Variants in IDUA observed in about 807,000 individuals in gnomAD.
IDUA encodes alpha-L-iduronidase.
In IDUA, 65 loss-of-function variants were observed where a neutral mutation model predicts 68.9. That is an observed-to-expected ratio of 0.94 (90% CI 0.77 to 1.16). IDUA has a LOEUF of 1.16. IDUA is among the 50% of genes most tolerant of loss of function. The pLI is 0.00. For synonymous variants in IDUA, 529 were observed against 433.6 expected (o/e 1.22, Z -2.73); for missense variants, 1,046 against 938.0 (o/e 1.12, Z -1.50).
intron 8 of IDUA, 68 bp from the exon 9 acceptor site, chr4:1,002,663 GC>G: frequency 8.0e-7 from 1 of 1,245,446 alleles, no homozygotes; most frequent in Non-Finnish European, 1.1e-6. Flanking sequence ...GTGGTGGGAG[GC>G]CCGGCCCTGG....
chr4:999,224 A>G (rs1714936778), intron 2 of IDUA, among the ~76,000 whole-genome samples: 1 of 151,804 alleles, frequency 6.6e-6, no homozygotes, highest in African/African-American at 2.4e-5. Flanking sequence ...AAAAAGAAAA[A>G]AGAAAAATGC....
rs150523349 is a variant in IDUA at position 1,002,713 on chromosome 4, G to GCC, written c.1190-11_1190-10dup. The GCC allele has an allele frequency of 4.1e-4, 558 of 1,363,574 alleles. 2 individuals carry two copies. The highest frequency in any genetic ancestry group is 2.8e-3 in the African/African-American group (179 of 64,788). The allele number at this position is 1,363,574 out of a possible 1,614,324, so 84.5% of individuals were successfully genotyped here. ...TGGGCAACGACCCCACGCGGCGACG[G>GCC]CCCCCCCCCGCCCCGCAGATGAGGA... On this transcript the variant is annotated intron_variant, in intron 8 of 13. Coordinates refer to ENST00000514224, the MANE Select transcript of IDUA (RefSeq NM_000203.5).
chr4:1,002,735 A>C lies in IDUA; in HGVS notation c.1193A>C (p.Glu398Ala). 1 of 1,392,392 alleles carries C rather than the reference A, an allele frequency of 7.2e-7. No homozygotes were observed. The highest frequency in any genetic ancestry group is 9.6e-7 in the Non-Finnish European group (1 of 1,043,566). The allele number at this position is 1,392,392 out of a possible 1,614,324, so 86.3% of individuals were successfully genotyped here. ...TAMGLLALLDEEQLWAEVSQA... is the reference protein window; with the variant it reads ...TAMGLLALLDAEQLWAEVSQA... ...ACGGCCCCCCCCCGCCCCGCAGATG[A>C]GGAGCAGCTCTGGGCCGAAGTGTCG... is the stretch of plus-strand genomic sequence containing the variant. Residue 398 changes from glutamate to alanine, a missense_variant, in exon 9 of 14, where the codon GAG (glutamate) becomes GCG (alanine). Coordinates refer to ENST00000514224, the MANE Select transcript of IDUA (RefSeq NM_000203.5).
Position 1,003,386 on chromosome 4 carries a change from C to G in IDUA, c.1566C>G (p.Gly522=). 6.7e-7 allele frequency: 1 copy of G among 1,495,398 alleles called. No individual in the cohort carries two copies. The highest frequency in any genetic ancestry group is 8.8e-7 in the Non-Finnish European group (1 of 1,132,130). The allele number at this position is 1,495,398 out of a possible 1,614,324, so 92.6% of individuals were successfully genotyped here. ...CGCCCCGCCCCTTACCCGCCGGCGG[C>G]CGCCTGACCCTGCGCCCCGCGCTGC... ...AAAPRPLPAG[G]RLTLRPALRL... is the part of the protein sequence containing the mutation. The change falls in exon 11 of 14, where the codon GGC becomes GGG. Residue 522 remains glycine (G), a synonymous_variant. Coordinates refer to ENST00000514224, the MANE Select transcript of IDUA (RefSeq NM_000203.5).
Position 1,003,552 on chromosome 4 carries a change from A to T in IDUA, c.1654A>T (p.Thr552Ser), listed in dbSNP as rs745630845. The change falls in exon 12 of 14, where the codon ACG becomes TCG. Residue 552 changes from threonine (T) to serine (S), a missense_variant. Transcript: ENST00000514224. ...TCACAGCCCTTCCCTCCCCCAGGTCACGCGGCTCCGCGCCCTGCCCCTGAC... is the reference window on the plus strand; with the variant it reads ...TCACAGCCCTTCCCTCCCCCAGGTCTCGCGGCTCCGCGCCCTGCCCCTGAC... ...ARPEKPPGQV[T>S]RLRALPLTQG... 2.5e-6 allele frequency: 4 copies of T among 1,611,592 alleles called. No homozygotes were observed. Among genetic ancestry groups the T allele is most frequent in the Non-Finnish European group, 3.4e-6 (4 of 1,179,694 alleles).
At position 1,002,358 on chromosome 4, in the gene IDUA, C is replaced by T. The variant is rs1715142811; in HGVS notation, c.1062C>T (p.Ser354=). ...TGAGCAACGACAATGCCTTCCTGAG[C>T]TACCACCCGCACCCCTTCGCGCAGC... ...ALLSNDNAFL[S]YHPHPFAQRT... is the part of the protein sequence containing the mutation. Residue 354 remains serine, a synonymous_variant, in exon 8 of 14, where the codon AGC becomes AGT. Transcript: ENST00000514224. 3 of 1,612,866 alleles carry T rather than the reference C, an allele frequency of 1.9e-6. No individual in the cohort carries two copies. Among genetic ancestry groups the T allele is most frequent in the African/African-American group, 1.3e-5 (1 of 74,932 alleles).
intron 2 of IDUA, among the ~76,000 whole-genome samples, chr4:996,620 G>A (rs1714757050): frequency 6.6e-6 from 1 of 152,238 alleles, no homozygotes; most frequent in Admixed American, 6.5e-5. Flanking sequence ...GTCTTCTGCA[G>A]GCATTGGGCC....
chr4:987,005 G>C, upstream of IDUA: 1 of 1,389,024 alleles, frequency 7.2e-7, no homozygotes. Flanking sequence ...CGGTCACATG[G>C]GGTGCGCGCC....
chr4:1,001,475 C>G lies in IDUA; in HGVS notation c.501C>G (p.Tyr167Ter), dbSNP rs200726100. The change falls in exon 5 of 14, where the codon TAC becomes TAG. Residue 167 changes from tyrosine to a stop codon, truncating the protein, a stop_gained. Coordinates refer to ENST00000514224, the MANE Select transcript of IDUA (RefSeq NM_000203.5). LOFTEE classifies it high-confidence loss of function. ...AGCAAGGCTCCTCTGCAGGTAGGTA[C>G]GGACTGGCGCATGTTTCCAAGTGGA... ...SSLARRYIGRYGLAHVSKWNF... is the reference protein window; with the variant it reads ...SSLARRYIGR 1 of 1,612,822 alleles carries G rather than the reference C, an allele frequency of 6.2e-7. No individual in the cohort carries two copies. The highest frequency in any genetic ancestry group is 8.5e-7 in the Non-Finnish European group (1 of 1,179,740).
At position 987,229 on chromosome 4, in the gene IDUA, A is replaced by G; in HGVS notation, c.145A>G (p.Ser49Gly). 6.7e-7 allele frequency: 1 copy of G among 1,503,664 alleles called. No homozygotes were observed. The highest frequency in any genetic ancestry group is 8.8e-7 in the Non-Finnish European group (1 of 1,133,862). The allele number at this position is 1,503,664 out of a possible 1,614,324, so 93.1% of individuals were successfully genotyped here. Reference sequence around the variant, plus strand: ...GTGGCCCCTGCGGCGCTTCTGGAGGAGCACAGGCTTCTGGTGAGCGCTCCG... The same window carrying G: ...GTGGCCCCTGCGGCGCTTCTGGAGGGGCACAGGCTTCTGGTGAGCGCTCCG... ...ALWPLRRFWR[S>G]TGFCPPLPHS... The change falls in exon 1 of 14, where the codon AGC becomes GGC. Residue 49 changes from serine (S) to glycine (G), a missense_variant. Physicochemically the swap from Ser to Gly is moderately conservative, Grantham distance 56. Coordinates refer to ENST00000514224, the MANE Select transcript of IDUA (RefSeq NM_000203.5).
intron 2 of IDUA, chr4:991,046 C>G: frequency 7.3e-7 from 1 of 1,370,998 alleles, no homozygotes; most frequent in South Asian, 1.5e-5. Flanking sequence ...CTGTGCTTGC[C>G]CCCAGCCTTG....
intron 2 of IDUA, chr4:989,099 T>A (rs1713992857): frequency 1.4e-5 from 22 of 1,603,962 alleles, no homozygotes; most frequent in Non-Finnish European, 1.7e-5. Flanking sequence ...GCGCAGTCGA[T>A]GACCACTGTG....
At chr4:1,003,888 C>T (rs1715280957) in intron 12 of IDUA, 124 bp from the exon 13 acceptor site, 5 of 905,328 alleles carry the variant, frequency 5.5e-6, no homozygotes, top group Admixed American at 5.1e-5. Context: ...TGCCCAGGGG[C>T]TGGGGAGGTG....
chr4:997,495 G>A (rs1178990408), intron 2 of IDUA, among the ~76,000 whole-genome samples: 1 of 151,368 alleles, frequency 6.6e-6, no homozygotes, highest in African/African-American at 2.4e-5. Context: ...GGGCCCAGGG[G>A]CGGGGACGTG....
At chr4:1,001,643 C>T (rs565704399) in intron 5 of IDUA, 36 bp from the exon 6 acceptor site, 1 of 1,606,162 alleles carries the variant, frequency 6.2e-7, no homozygotes, top group African/African-American at 1.3e-5. Flanking sequence ...CGCTCATCCC[C>T]AGGGCAGGTG....
At chr4:992,542 G>T (rs1264737615) in intron 2 of IDUA, among the ~76,000 whole-genome samples, 1 of 152,256 alleles carries the variant, frequency 6.6e-6, no homozygotes, top group Non-Finnish European at 1.5e-5. Context: ...GAGGGGAGGA[G>T]GGTGACTGGC....
intron 8 of IDUA, 28 bp from the exon 9 acceptor site, chr4:1,002,704 G>A: frequency 1.4e-6 from 2 of 1,424,990 alleles, no homozygotes; most frequent in Non-Finnish European, 1.9e-6. Context: ...ACGACCCCAC[G>A]CGGCGACGGC....
chr4:1,001,555 C>G lies in IDUA; in HGVS notation c.581C>G (p.Thr194Ser), dbSNP rs575667885. 3.4e-5 allele frequency: 55 copies of G among 1,613,126 alleles called. No individual in the cohort carries two copies. The East Asian group carries it at 4.7e-4, about 14-fold the overall frequency. Reference protein sequence around the residue: ...DHHDFDNVSMTMQGFLNYYDA... With the variant: ...DHHDFDNVSMSMQGFLNYYDA... ...CACGACTTTGACAACGTCTCCATGA[C>G]CATGCAAGGTGTGCACCGCTTCCTG... Residue 194 changes from threonine to serine, a missense_variant, in exon 5 of 14, where the codon ACC (threonine) becomes AGC (serine). Transcript: ENST00000514224.
chr4:1,001,353 T>C, intron 4 of IDUA, 115 bp from the exon 5 acceptor site: 2 of 907,092 alleles, frequency 2.2e-6, no homozygotes, highest in South Asian at 1.3e-5. Flanking sequence ...CTGGCCTGCA[T>C]GGAGATGGGG....
Sources: gnomAD v4.1 joint callset for allele counts (sites outside exome capture counted in the v4.1 genomes callset) on GRCh38, gnomAD v4.1.1 for gene constraint, MANE v1.5 for transcripts, NCBI Gene and HGNC (gene_info 2026-07-23, HGNC 2026-07-21) for gene names.